The following CDH4 variants were observed in gnomAD, a reference collection of about 807,000 sequenced individuals.
CDH4 encodes cadherin-4.
A neutral mutation model predicts 86.0 loss-of-function variants in CDH4; 33 were observed. The observed-to-expected ratio is 0.38, with a 90% CI of 0.29 to 0.51. The LOEUF (loss-of-function observed/expected upper bound fraction) is 0.51. Among genes scored for constraint, CDH4 ranks in the 20% least tolerant of loss-of-function variants. CDH4 has a pLI of 0.86. For missense variants in CDH4, 1,114 were observed against 1,307.4 expected (o/e 0.85, Z 2.28); for synonymous variants, 555 against 549.4 (o/e 1.01, Z -0.14).
chr20:61,589,940 T>C (rs1406405186), intron 2 of CDH4, among the ~76,000 whole-genome samples: 1 of 151,582 alleles, frequency 6.6e-6, no homozygotes, highest in African/African-American at 2.4e-5. Context: ...ATGGTGCTCC[T>C]TGAGAGGGGG....
rs2084173745 is a variant in CDH4, at chr20:61,269,641, G to A, written c.169+14704G>A. Among the ~76,000 whole-genome samples, 1 of 151,988 alleles carries A rather than the reference G, an allele frequency of 6.6e-6. No homozygotes were observed. Among genetic ancestry groups the A allele is most frequent in the Non-Finnish European group, 1.5e-5 (1 of 67,976 alleles). On this transcript the variant is annotated intron_variant, in intron 2 of 15. Coordinates refer to ENST00000614565, the MANE Select transcript of CDH4 (RefSeq NM_001794.5). The surrounding 1 kb of genome is among the most constrained non-coding windows in gnomAD (Gnocchi z 5.3). The stretch of plus-strand genomic sequence containing the variant: ...TAATTAATTATACTTATTTATTAAT[G>A]TAAACACATCAGGCCCTGCTCCGCC...
At chr20:61,832,944 C>T (rs540555626) in intron 4 of CDH4, among the ~76,000 whole-genome samples, 64 of 152,296 alleles carry the variant, frequency 4.2e-4, no homozygotes, top group African/African-American at 1.4e-3. Flanking sequence ...ATTGCTGTTA[C>T]CCCTGGGGCT....
rs1373581220 is a variant in CDH4, at chr20:61,417,216, T to C, written c.169+162279T>C. Among the ~76,000 whole-genome samples, 1 of 152,152 alleles carries C rather than the reference T, an allele frequency of 6.6e-6. No homozygotes were observed. The highest frequency in any genetic ancestry group is 1.9e-4 in the East Asian group (1 of 5,152). ...TCCTGGTCTCCAAGAGACTCACTCT[T>C]TCTCTCTTGGTCGTGCTCTCTCTTC... On this transcript the variant is annotated intron_variant, in intron 2 of 15. Coordinates refer to ENST00000614565, the MANE Select transcript of CDH4 (RefSeq NM_001794.5). The surrounding 1 kb of genome is among the most constrained non-coding windows in gnomAD (Gnocchi z 4.0).
intron 4 of CDH4, among the ~76,000 whole-genome samples, chr20:61,831,653 C>G (rs1451312897): frequency 6.6e-6 from 1 of 152,248 alleles, no homozygotes; most frequent in African/African-American, 2.4e-5. Context: ...CACAGTGCAG[C>G]CTCCTCCCCC....
chr20:61,316,437 C>G (rs1258889080), intron 2 of CDH4, among the ~76,000 whole-genome samples: 2 of 152,190 alleles, frequency 1.3e-5, no homozygotes, highest in Admixed American at 6.5e-5. Flanking sequence ...GGCGGCAGAA[C>G]AAATGTGTTG....
At chr20:61,281,452 C>T (rs978472681) in intron 2 of CDH4, among the ~76,000 whole-genome samples, 2 of 152,218 alleles carry the variant, frequency 1.3e-5, no homozygotes, top group Admixed American at 6.5e-5. Context: ...AACCTGCCGG[C>T]GCCTTGACCT....
At chr20:61,451,539 C>T (rs1600690071) in intron 2 of CDH4, among the ~76,000 whole-genome samples, 1 of 152,210 alleles carries the variant, frequency 6.6e-6, no homozygotes, top group South Asian at 2.1e-4. Flanking sequence ...GAAGTGGCAG[C>T]ATTTCTTCCT....
chr20:61,671,133 A>T (rs996918611), intron 2 of CDH4, among the ~76,000 whole-genome samples: 5 of 142,728 alleles, frequency 3.5e-5, no homozygotes, highest in African/African-American at 1.5e-4. Flanking sequence ...GGGTGGATGC[A>T]TGATGGTTGG....
chr20:61,872,832 C>T (rs897621991), intron 6 of CDH4, among the ~76,000 whole-genome samples: 3 of 152,240 alleles, frequency 2.0e-5, no homozygotes, highest in African/African-American at 4.8e-5. Flanking sequence ...CCACCGGGTA[C>T]AGCGCTAGCA....
At chr20:61,488,638 A>T (rs1289927697) in intron 2 of CDH4, among the ~76,000 whole-genome samples, 2 of 152,112 alleles carry the variant, frequency 1.3e-5, no homozygotes, top group African/African-American at 4.8e-5. Context: ...GAGAGACAAA[A>T]GAGAGAGAGA....
At chr20:61,522,173 G>A (rs898656056) in intron 2 of CDH4, among the ~76,000 whole-genome samples, 4 of 152,248 alleles carry the variant, frequency 2.6e-5, no homozygotes, top group African/African-American at 9.6e-5. Context: ...GTCCACCTCC[G>A]TCCTCTGAGG....
chr20:61,852,680 G>T, intron 5 of CDH4, 74 bp from the exon 6 acceptor site: 3 of 1,510,472 alleles, frequency 2.0e-6, no homozygotes, highest in Non-Finnish European at 2.7e-6. Context: ...CCCCAGCACC[G>T]CGGGTCCCAG....
rs2087854972 is a variant in CDH4, at chr20:61,708,376, A to C, written c.170-35187A>C. Among the ~76,000 whole-genome samples the C allele has an allele frequency of 2.2e-5, 3 of 139,048 alleles. No individual in the cohort carries two copies. Among genetic ancestry groups the C allele is most frequent in the East Asian group, 4.3e-4 (2 of 4,686 alleles). 91.2% of individuals were successfully genotyped at this position (139,048 alleles called of 152,430 possible). On this transcript the variant is annotated intron_variant, in intron 2 of 15. Transcript: ENST00000614565. This position sits in a 1 kb window ranked among gnomAD's most constrained non-coding sequence, Gnocchi z 4.5. ...TAACTGGGTTGGGGCACCACCCTCC[A>C]CTCTCCACGTTGGCTGCCTCAGTCT...
chr20:61,420,120 G>A (rs912419884), intron 2 of CDH4, among the ~76,000 whole-genome samples: 2 of 152,248 alleles, frequency 1.3e-5, no homozygotes, highest in African/African-American at 4.8e-5. Context: ...CCTGGAGAGT[G>A]ACTGCAAATC....
At chr20:61,313,312 A>G (rs892058677) in intron 2 of CDH4, among the ~76,000 whole-genome samples, 17 of 152,218 alleles carry the variant, frequency 1.1e-4, no homozygotes, top group Admixed American at 1.1e-3. Context: ...CAGAAGCAGC[A>G]GGGAGGGTTC....
At chr20:61,868,823 G>A (rs931272290) in intron 6 of CDH4, among the ~76,000 whole-genome samples, 2 of 152,194 alleles carry the variant, frequency 1.3e-5, no homozygotes, top group African/African-American at 2.4e-5. Context: ...TTCCAGAGGG[G>A]AGGGCGGGAG....
intron 2 of CDH4, among the ~76,000 whole-genome samples, chr20:61,599,022 C>T (rs1305928601): frequency 6.6e-6 from 1 of 152,206 alleles, no homozygotes; most frequent in African/African-American, 2.4e-5. Context: ...TCAGTGTTGC[C>T]TCTCCCTTTT....
At chr20:61,383,559 TATG>T (rs2084927224) in intron 2 of CDH4, among the ~76,000 whole-genome samples, 2 of 55,664 alleles carry the variant, frequency 3.6e-5, no homozygotes, top group Non-Finnish European at 5.4e-5. Flanking sequence ...ATATATGATA[TATG>T]ATATATGATA....
chr20:61,411,380 A>G (rs981093584), intron 2 of CDH4, among the ~76,000 whole-genome samples: 1 of 149,524 alleles, frequency 6.7e-6, no homozygotes, highest in Non-Finnish European at 1.5e-5. Flanking sequence ...TCACTCCCTC[A>G]TGCAAGGAAA....
Sources: gnomAD v4.1 joint callset for allele counts (sites outside exome capture counted in the v4.1 genomes callset) on GRCh38, gnomAD v4.1.1 for gene constraint, Gnocchi (gnomAD v3.1) non-coding constraint, MANE v1.5 for transcripts, NCBI Gene and HGNC (gene_info 2026-07-23, HGNC 2026-07-21) for gene names.